Variants in CCDC90B observed in about 807,000 individuals in gnomAD.
The protein encoded by CCDC90B is coiled-coil domain containing 90B.
Under a neutral mutation model 37.0 loss-of-function variants are expected in CCDC90B, and 24 were observed. That is an observed-to-expected ratio of 0.65 (90% confidence interval 0.47 to 0.91). The LOEUF (loss-of-function observed/expected upper bound fraction) is 0.91. Ranked by LOEUF, CCDC90B falls within the 40% of genes least tolerant of loss-of-function variation. The probability of loss-of-function intolerance (pLI) is 0.00; values close to 1 mark genes in which losing one functional copy is unlikely to be tolerated. For synonymous variants in CCDC90B, 113 were observed against 101.1 expected, an observed-to-expected ratio of 1.12 and a Z score of -0.71; for missense variants, 319 against 299.0, an observed-to-expected ratio of 1.07 and a Z score of -0.49.
intron 8 of CCDC90B, among the ~76,000 whole-genome samples, chr11:83,264,413 TACAC>T (rs1864122993): frequency 6.6e-6 from 1 of 152,162 alleles, no homozygotes. Context: ...TAATAGTAAA[TACAC>T]ACGGGGAGGG....
intron 3 of CCDC90B, among the ~76,000 whole-genome samples, chr11:83,276,647 C>T (rs1423275802): frequency 6.6e-6 from 1 of 152,140 alleles, no homozygotes; most frequent in Non-Finnish European, 1.5e-5. Context: ...ACCACACCAG[C>T]CTTAATGTGG....
intron 1 of CCDC90B, among the ~76,000 whole-genome samples, chr11:83,282,448 C>G (rs1865442928): frequency 6.6e-6 from 1 of 152,152 alleles, no homozygotes; most frequent in Non-Finnish European, 1.5e-5. Context: ...GTTCCTCTGA[C>G]TTAGTCAACA....
chr11:83,270,863 AC>A (rs768365864), intron 7 of CCDC90B, among the ~76,000 whole-genome samples: 8 of 152,230 alleles, frequency 5.3e-5, no homozygotes, highest in Non-Finnish European at 1.0e-4. Context: ...AAGCTACCTG[AC>A]TTCAAACCAT....
Position 83,273,825 on chromosome 11 carries a change from T to C in CCDC90B, c.508A>G (p.Ile170Val), listed in dbSNP as rs764549560. 6 of 1,610,182 alleles carry C rather than the reference T, an allele frequency of 3.7e-6. No homozygotes were observed. Among genetic ancestry groups the C allele is most frequent in the South Asian group, 1.1e-5 (1 of 90,552 alleles). Residue 170 changes from isoleucine to valine, a missense_variant, in exon 6 of 9, where the codon ATC (isoleucine) becomes GTC (valine). Ile to Val is a conservative substitution (Grantham distance 29). Transcript: ENST00000529689. ...GTTACTCTGCTCCTTTCTAAGTTGA[T>C]ATCCAGTTTATTATCTGCTCTGATT... ...SRIRADNKLD[I>V]NLERSRVTDM...
Position 83,284,859 on chromosome 11 carries a change from C to T in CCDC90B, c.100+1014G>A, listed in dbSNP as rs138037780. On this transcript the variant is annotated intron_variant, in intron 1 of 8. Transcript: ENST00000529689. ...ACAAAGATGGCAGCTGGATGACTTC[C>T]TGGAGTTCAAAAGTGCTACCTCCTT... 5.9e-5 allele frequency among the ~76,000 whole-genome samples: 9 copies of T among 152,308 alleles called. No individual in the cohort carries two copies. The East Asian group carries it at 1.7e-3, about 29-fold the overall frequency.
At chr11:83,263,793 G>C (rs1214000595) in intron 8 of CCDC90B, among the ~76,000 whole-genome samples, 1 of 152,118 alleles carries the variant, frequency 6.6e-6, no homozygotes, top group Non-Finnish European at 1.5e-5. Context: ...AGAAATTGAG[G>C]CACACAGTCA....
At chr11:83,274,886 C>A in intron 3 of CCDC90B, 146 bp from the exon 4 acceptor site, 1 of 458,270 alleles carries the variant, frequency 2.2e-6, no homozygotes. Flanking sequence ...ACCTACATAT[C>A]TGAAATATCA....
chr11:83,285,280 T>C lies in CCDC90B; in HGVS notation c.100+593A>G, dbSNP rs567427074. 1.3e-5 allele frequency: 17 copies of C among 1,266,122 alleles called. No homozygotes were observed. The Admixed American group carries it at 4.0e-4, about 30-fold the overall frequency. The allele number at this position is 1,266,122 out of a possible 1,614,324, so 78.4% of individuals were successfully genotyped here. A position where few individuals can be genotyped will look rare whatever the true frequency, so the allele number is the denominator to read the frequency against. Reference sequence around the variant, plus strand: ...CAACAAAAACCTAGCCCTAGAAACATTTCTCTGAATAAAGTTAGATGTCTT... The same window carrying C: ...CAACAAAAACCTAGCCCTAGAAACACTTCTCTGAATAAAGTTAGATGTCTT... On this transcript the variant is annotated intron_variant, in intron 1 of 8. Transcript: ENST00000529689.
At chr11:83,283,590 T>C (rs562170409) in intron 1 of CCDC90B, among the ~76,000 whole-genome samples, 4 of 152,316 alleles carry the variant, frequency 2.6e-5, no homozygotes, top group Non-Finnish European at 4.4e-5. Context: ...GGAAAAACCA[T>C]TGGATATTCA....
chr11:83,261,764 A>G lies in CCDC90B; in HGVS notation c.*147T>C. On this transcript the variant is annotated 3_prime_UTR_variant, in exon 9 of 9. Transcript: ENST00000529689. ...CAATAAAGACACAGTATCTCTTCTCATTCTAAAACACTTCCTCTTTTAGTC... is the reference window on the plus strand; with the variant it reads ...CAATAAAGACACAGTATCTCTTCTCGTTCTAAAACACTTCCTCTTTTAGTC... 1.7e-6 allele frequency: 1 copy of G among 581,756 alleles called. No individual in the cohort carries two copies. The highest frequency in any genetic ancestry group is 2.5e-5 in the South Asian group (1 of 39,836). The allele number at this position is 581,756 out of a possible 1,614,324, so 36.0% of individuals were successfully genotyped here. A position where few individuals can be genotyped will look rare whatever the true frequency, so the allele number is the denominator to read the frequency against.
chr11:83,285,567 T>C, intron 1 of CCDC90B: 1 of 1,244,714 alleles, frequency 8.0e-7, no homozygotes, highest in Non-Finnish European at 1.0e-6. Context: ...CGTTGGCTCC[T>C]GACGAGATTA....
At chr11:83,276,863 C>G (rs1285003967) in intron 3 of CCDC90B, among the ~76,000 whole-genome samples, 5 of 152,110 alleles carry the variant, frequency 3.3e-5, no homozygotes, top group African/African-American at 1.2e-4. Context: ...ACAATATAAT[C>G]AAATTTTCAG....
intron 7 of CCDC90B, among the ~76,000 whole-genome samples, chr11:83,270,515 CAG>C (rs1390275452): frequency 2.0e-5 from 3 of 152,034 alleles, no homozygotes; most frequent in Admixed American, 1.3e-4. Context: ...AACAGACAAA[CAG>C]AGTCAAATCA....
rs367689665 is a variant in CCDC90B at position 83,265,850 on chromosome 11, C to T, written c.709+15G>A. The T allele has an allele frequency of 6.7e-7, 1 of 1,500,058 alleles. No individual in the cohort carries two copies. Among genetic ancestry groups the T allele is most frequent in the Admixed American group, 1.7e-5 (1 of 58,468 alleles). The allele number at this position is 1,500,058 out of a possible 1,614,324, so 92.9% of individuals were successfully genotyped here. On this transcript the variant is annotated intron_variant, in intron 8 of 8. Transcript: ENST00000529689. ...AAAATTAGATGACAGCAATTTCTTT[C>T]TCTGACAGTCTTACCTGCAAGATAA...
At chr11:83,265,574 G>A (rs1319979382) in intron 8 of CCDC90B, among the ~76,000 whole-genome samples, 2 of 152,132 alleles carry the variant, frequency 1.3e-5, no homozygotes, top group African/African-American at 4.8e-5. Flanking sequence ...GAGGATGACA[G>A]AAGCTTAACA....
At chr11:83,281,036 T>A (rs1565219951) in intron 1 of CCDC90B, among the ~76,000 whole-genome samples, 2 of 152,234 alleles carry the variant, frequency 1.3e-5, no homozygotes, top group African/African-American at 2.4e-5. Context: ...CTTTTCTATA[T>A]ATTGCTGATG....
At chr11:83,270,927 T>C (rs1235086671) in intron 7 of CCDC90B, among the ~76,000 whole-genome samples, 2 of 152,052 alleles carry the variant, frequency 1.3e-5, no homozygotes, top group East Asian at 1.9e-4. Context: ...AAAACAGATA[T>C]ACAGACCAAT....
chr11:83,276,123 G>T (rs1303570888), intron 3 of CCDC90B, among the ~76,000 whole-genome samples: 1 of 152,104 alleles, frequency 6.6e-6, no homozygotes, highest in Non-Finnish European at 1.5e-5. Flanking sequence ...ACTGGGGAGG[G>T]TTGTTCATTT....
chr11:83,261,734 A>G lies in CCDC90B; in HGVS notation c.*177T>C, dbSNP rs1204266854. On this transcript the variant is annotated 3_prime_UTR_variant, in exon 9 of 9. Transcript: ENST00000529689. ...TAAAGACACACACCTGCACTCACAC[A>G]CACACAATAAAGACACAGTATCTCT... 4 of 494,624 alleles carry G rather than the reference A, an allele frequency of 8.1e-6. No individual in the cohort carries two copies. The allele number at this position is 494,624 out of a possible 1,614,324, so 30.6% of individuals were successfully genotyped here. A position where few individuals can be genotyped will look rare whatever the true frequency, so the allele number is the denominator to read the frequency against.
Sources: gnomAD v4.1 joint callset for allele counts (sites outside exome capture counted in the v4.1 genomes callset) on GRCh38, gnomAD v4.1.1 for gene constraint, MANE v1.5 for transcripts, NCBI Gene and HGNC (gene_info 2026-07-23, HGNC 2026-07-21) for gene names.